The following ABCC4 variants were observed in gnomAD, a reference collection of about 807,000 sequenced individuals.
The protein encoded by ABCC4 is ATP binding cassette subfamily C member 4 (PEL blood group).
A neutral mutation model predicts 168.5 loss-of-function variants in ABCC4; 102 were observed. That is an observed-to-expected ratio of 0.61 (90% CI 0.52 to 0.71). The LOEUF (loss-of-function observed/expected upper bound fraction) is 0.71, where lower values mean the gene tolerates loss of function less well. ABCC4 is among the 30% of genes least tolerant of loss of function. The pLI, the probability that ABCC4 is intolerant of heterozygous loss-of-function variation, is 0.00. For missense variants in ABCC4, 1,402 were observed against 1,605.8 expected, an observed-to-expected ratio of 0.87 and a Z score of 2.17; for synonymous variants, 617 against 590.7, an observed-to-expected ratio of 1.04 and a Z score of -0.65.
intron 6 of ABCC4, among the ~76,000 whole-genome samples, chr13:95,208,608 CTTTTTTTTTTTTTTTT>C (rs58749262): frequency 6.7e-5 from 5 of 74,636 alleles, no homozygotes; most frequent in African/African-American, 2.4e-4. Flanking sequence ...AGCTGTATTT[CTTTTTTTTTTTTTTTT>C]TTTTTTTTTT....
At chr13:95,043,591 A>G in intron 29 of ABCC4, 91 bp downstream of exon 29, 1 of 1,086,250 alleles carries the variant, frequency 9.2e-7, no homozygotes, top group Non-Finnish European at 1.4e-6. Context: ...TTAACTTACT[A>G]GGGGTTTCTA....
intron 20 of ABCC4, among the ~76,000 whole-genome samples, chr13:95,098,365 T>C (rs1276487858): frequency 6.6e-6 from 1 of 151,772 alleles, no homozygotes; most frequent in African/African-American, 2.4e-5. Context: ...ATTAATGAAA[T>C]AGAAAATCTA....
At chr13:95,118,540 G>A (rs1190835566) in intron 19 of ABCC4, among the ~76,000 whole-genome samples, 5 of 152,082 alleles carry the variant, frequency 3.3e-5, no homozygotes, top group Non-Finnish European at 5.9e-5. Flanking sequence ...CATAGCACCC[G>A]GCCAGAATAT....
At chr13:95,102,426 A>T (rs1298745694) in intron 20 of ABCC4, among the ~76,000 whole-genome samples, 1 of 151,924 alleles carries the variant, frequency 6.6e-6, no homozygotes, top group Admixed American at 6.6e-5. Context: ...GACTACAACC[A>T]TAAGACACCA....
intron 19 of ABCC4, among the ~76,000 whole-genome samples, chr13:95,123,986 G>C (rs2035665225): frequency 1.3e-5 from 2 of 152,206 alleles, no homozygotes; most frequent in African/African-American, 4.8e-5. Context: ...CTGAGAGGCA[G>C]GAAAGGGTGA....
intron 25 of ABCC4, among the ~76,000 whole-genome samples, chr13:95,066,726 G>A (rs1678365): frequency 3.3e-5 from 5 of 152,182 alleles, no homozygotes; most frequent in African/African-American, 9.7e-5. Flanking sequence ...GGAATGGGAC[G>A]GAAACCCAAG....
intron 1 of ABCC4, among the ~76,000 whole-genome samples, chr13:95,285,985 G>A (rs763272284): frequency 2.0e-5 from 3 of 152,030 alleles, no homozygotes; most frequent in Admixed American, 6.6e-5. Context: ...TCTTCCCTAC[G>A]TGCAGATAAC....
At chr13:95,190,585 G>A (rs1819119497) in intron 9 of ABCC4, among the ~76,000 whole-genome samples, 1 of 151,996 alleles carries the variant, frequency 6.6e-6, no homozygotes, top group African/African-American at 2.4e-5. Context: ...AAAGTCAGTT[G>A]GTACAAATAA....
At chr13:95,202,342 T>C (rs966599882) in intron 8 of ABCC4, among the ~76,000 whole-genome samples, 1 of 152,218 alleles carries the variant, frequency 6.6e-6, no homozygotes, top group Non-Finnish European at 1.5e-5. Flanking sequence ...CCAATCTCTC[T>C]CTGCATGTAC....
At chr13:95,273,613 C>T (rs1183277385) in intron 1 of ABCC4, among the ~76,000 whole-genome samples, 2 of 151,854 alleles carry the variant, frequency 1.3e-5, no homozygotes, top group Non-Finnish European at 1.5e-5. Context: ...CTGTCAAATG[C>T]CTCTTCCTGC....
At chr13:95,072,021 C>T (rs564494487) in intron 24 of ABCC4, among the ~76,000 whole-genome samples, 168 bp from the exon 25 acceptor site, 18 of 152,342 alleles carry the variant, frequency 1.2e-4, no homozygotes, top group Non-Finnish European at 2.4e-4. Context: ...CATTGTGTAA[C>T]ACCTTCACTT....
In ABCC4 at chr13:95,272,812, C is replaced by T. The variant is rs1359048140; in HGVS notation, c.75-25059G>A. Among the ~76,000 whole-genome samples, 8 of 152,070 alleles carry T rather than the reference C, an allele frequency of 5.3e-5. No individual in the cohort carries two copies. In the East Asian group the frequency reaches 7.7e-4, roughly 15 times the overall value. ...CTGAGACAGGGGAATCGCTTGAACC[C>T]GGGAGGCAGAGGTTGCAGTGAGCCA... On this transcript the variant is annotated intron_variant, in intron 1 of 30. Transcript: ENST00000645237.
At chr13:95,104,881 A>T (rs559589154) in intron 20 of ABCC4, among the ~76,000 whole-genome samples, 1 of 152,322 alleles carries the variant, frequency 6.6e-6, no homozygotes, top group Non-Finnish European at 1.5e-5. Context: ...GGATTAGAAC[A>T]CAGTCCTCAA....
intron 1 of ABCC4, among the ~76,000 whole-genome samples, chr13:95,281,783 A>G (rs1037437105): frequency 5.3e-5 from 8 of 152,026 alleles, no homozygotes; most frequent in African/African-American, 1.4e-4. Context: ...GTGGGCTGTA[A>G]TATAGTCTGC....
chr13:95,136,788 C>T (rs1303421208), intron 19 of ABCC4, among the ~76,000 whole-genome samples: 1 of 152,208 alleles, frequency 6.6e-6, no homozygotes, highest in Non-Finnish European at 1.5e-5. Context: ...CCTGATGATG[C>T]AACAAGTCCC....
chr13:95,071,078 A>G (rs1476481064), intron 25 of ABCC4, among the ~76,000 whole-genome samples: 1 of 31,282 alleles, frequency 3.2e-5, no homozygotes, highest in Non-Finnish European at 1.6e-4. Context: ...TTCCCTGCAC[A>G]AACTCTCTTT....
intron 4 of ABCC4, among the ~76,000 whole-genome samples, chr13:95,225,149 T>TCACACACACACA (rs2039423945): frequency 2.0e-5 from 2 of 100,190 alleles, no homozygotes; most frequent in Non-Finnish European, 3.8e-5. Flanking sequence ...TGTCTCTCTC[T>TCACACACACACA]CTCTCACACA....
intron 10 of ABCC4, among the ~76,000 whole-genome samples, chr13:95,188,109 T>C (rs1489398461): frequency 6.6e-6 from 1 of 152,216 alleles, no homozygotes; most frequent in Non-Finnish European, 1.5e-5. Flanking sequence ...AACCTCCAGA[T>C]GTCTTGTAGC....
intron 19 of ABCC4, among the ~76,000 whole-genome samples, chr13:95,127,306 G>A (rs547053816): frequency 2.0e-4 from 30 of 152,120 alleles, no homozygotes; most frequent in South Asian, 1.0e-3. Context: ...TATTTTTTGA[G>A]ACAGAGTCTC....
Sources: gnomAD v4.1 joint callset for allele counts (sites outside exome capture counted in the v4.1 genomes callset) on GRCh38, gnomAD v4.1.1 for gene constraint, MANE v1.5 for transcripts, NCBI Gene and HGNC (gene_info 2026-07-23, HGNC 2026-07-21) for gene names.